GET3: variants seen among roughly 807,000 people sequenced by gnomAD.
GET3 encodes the protein ATPase GET3.
A neutral mutation model predicts 32.4 loss-of-function variants in GET3; 15 were observed. That is an observed-to-expected ratio of 0.46 (90% CI 0.31 to 0.71). GET3 has a LOEUF of 0.71. Among genes scored for constraint, GET3 ranks in the 30% least tolerant of loss-of-function variants. The pLI is 0.05. For synonymous variants in GET3, 198 were observed against 185.6 expected (o/e 1.07, Z -0.54); for missense variants, 333 against 459.0 (o/e 0.73, Z 2.51).
At chr19:12,739,185 A>G (rs1309531095) in intron 2 of GET3, among the ~76,000 whole-genome samples, 1 of 145,360 alleles carries the variant, frequency 6.9e-6, no homozygotes, top group Non-Finnish European at 1.5e-5. Flanking sequence ...TTTTTTTTTT[A>G]GACACTCAAG....
At chr19:12,744,119 G>C (rs1024977852) in intron 2 of GET3, among the ~76,000 whole-genome samples, 2 of 149,710 alleles carry the variant, frequency 1.3e-5, no homozygotes, top group Admixed American at 6.6e-5. Context: ...GGGAGGCTGA[G>C]GCAGGAGAAT....
chr19:12,742,666 G>C (rs1432147751), intron 2 of GET3, among the ~76,000 whole-genome samples: 1 of 151,766 alleles, frequency 6.6e-6, no homozygotes, highest in African/African-American at 2.4e-5. Context: ...CACCCGCCTT[G>C]GCCTCCCAAA....
upstream of GET3, chr19:12,737,451 C>T: frequency 7.1e-7 from 1 of 1,415,514 alleles, no homozygotes. Context: ...AGAGAATTTC[C>T]CCTGTAGGTT....
intron 2 of GET3, among the ~76,000 whole-genome samples, chr19:12,742,963 G>C (rs964710464): frequency 6.6e-6 from 1 of 152,172 alleles, no homozygotes; most frequent in African/African-American, 2.4e-5. Context: ...GGCTGGGCTG[G>C]ATAAGGGTGC....
chr19:12,745,574 C>T lies in GET3; in HGVS notation c.459-35C>T, dbSNP rs149493602. 291 of 1,612,102 alleles carry T rather than the reference C, an allele frequency of 1.8e-4. No homozygotes were observed. The Middle Eastern group carries it at 2.1e-3, about 12-fold the overall frequency. On this transcript the variant is annotated intron_variant, in intron 3 of 6. Coordinates refer to ENST00000357332, the MANE Select transcript of GET3 (RefSeq NM_004317.4). This position sits in a 1 kb window ranked among gnomAD's most constrained non-coding sequence, Gnocchi z 5.0. Reference sequence around the variant, plus strand: ...GGGGCTGCCTGGGGAAGGGGAAGAGCGGACACAGAGGGCCTGACCCCTGTC... The same window carrying T: ...GGGGCTGCCTGGGGAAGGGGAAGAGTGGACACAGAGGGCCTGACCCCTGTC...
In GET3 at chr19:12,745,822, C is replaced by A; in HGVS notation, c.609+63C>A. The A allele has an allele frequency of 3.3e-6, 5 of 1,532,218 alleles. No individual in the cohort carries two copies. The highest frequency in any genetic ancestry group is 1.2e-5 in the South Asian group (1 of 81,226). The allele number at this position is 1,532,218 out of a possible 1,614,324, so 94.9% of individuals were successfully genotyped here. On this transcript the variant is annotated intron_variant, in intron 4 of 6. Coordinates refer to ENST00000357332, the MANE Select transcript of GET3 (RefSeq NM_004317.4). This position sits in a 1 kb window ranked among gnomAD's most constrained non-coding sequence, Gnocchi z 5.0. Reference sequence around the variant, plus strand: ...GCCGGGAGTGGGAGTAGGCCCGGGCCCCCAGACCCTCAAATGCGCACTAAC... The same window carrying A: ...GCCGGGAGTGGGAGTAGGCCCGGGCACCCAGACCCTCAAATGCGCACTAAC...
At chr19:12,742,775 G>A (rs1482612297) in intron 2 of GET3, among the ~76,000 whole-genome samples, 2 of 151,982 alleles carry the variant, frequency 1.3e-5, no homozygotes, top group Non-Finnish European at 2.9e-5. Flanking sequence ...TCAATCTCCT[G>A]ACCTCAAATG....
intron 2 of GET3, among the ~76,000 whole-genome samples, chr19:12,744,413 G>A (rs1967732332): frequency 6.6e-6 from 1 of 151,752 alleles, no homozygotes; most frequent in African/African-American, 2.4e-5. Context: ...TCTGCCTCCC[G>A]GGTTCAAGCG....
chr19:12,742,441 G>A (rs968120838), intron 2 of GET3, among the ~76,000 whole-genome samples: 6 of 151,548 alleles, frequency 4.0e-5, no homozygotes, highest in African/African-American at 1.5e-4. Context: ...TTGAGACGGA[G>A]TCTTATTCTG....
chr19:12,738,791 C>A, intron 2 of GET3, 133 bp downstream of exon 2: 1 of 1,221,216 alleles, frequency 8.2e-7, no homozygotes, highest in Non-Finnish European at 1.1e-6. Flanking sequence ...CCTTCCTCAA[C>A]ATACTCACAA....
chr19:12,746,470 C>T lies in GET3; in HGVS notation c.609+711C>T, dbSNP rs368083317. Among the ~76,000 whole-genome samples the T allele has an allele frequency of 4.4e-4, 67 of 152,306 alleles. No homozygotes were observed. In the Middle Eastern group the frequency reaches 0.014, roughly 31 times the overall value. ...TATTACGATGACAACCCTAAAGCCC[C>T]CACAGTGCTGCACACCACCAGCACC... On this transcript the variant is annotated intron_variant, in intron 4 of 6. Transcript: ENST00000357332.
Position 12,738,499 on chromosome 19 carries a change from T to A in GET3, c.162-12T>A. 1 of 1,613,846 alleles carries A rather than the reference T, an allele frequency of 6.2e-7. No homozygotes were observed. Among genetic ancestry groups the A allele is most frequent in the South Asian group, 1.1e-5 (1 of 91,068 alleles). ...CCCTCATCCCCTATCTTTTGACTTT[T>A]CCATTACTCAGCTGCAGCCTGGCAG... On this transcript the variant is annotated splice_polypyrimidine_tract_variant and intron_variant, in intron 1 of 6. Coordinates refer to ENST00000357332, the MANE Select transcript of GET3 (RefSeq NM_004317.4).
chr19:12,738,249 GC>G (rs1345263560), intron 1 of GET3, among the ~76,000 whole-genome samples: 1 of 152,112 alleles, frequency 6.6e-6, no homozygotes, highest in Non-Finnish European at 1.5e-5. Context: ...ACTGTGCCCA[GC>G]AAAAAAGAAG....
intron 1 of GET3, 76 bp from the exon 2 acceptor site, chr19:12,738,435 C>T: frequency 6.3e-7 from 1 of 1,577,340 alleles, no homozygotes; most frequent in Non-Finnish European, 8.6e-7. Flanking sequence ...TCCAGGGAAC[C>T]TACCACTCCC....
At chr19:12,738,045 G>A (rs1032396498) in intron 1 of GET3, among the ~76,000 whole-genome samples, 1 of 152,140 alleles carries the variant, frequency 6.6e-6, no homozygotes, top group African/African-American at 2.4e-5. Flanking sequence ...GAGAGTGAGG[G>A]TGGAAAGCGA....
chr19:12,744,855 C>T (rs1967739872), intron 2 of GET3, among the ~76,000 whole-genome samples: 2 of 152,054 alleles, frequency 1.3e-5, no homozygotes, highest in South Asian at 2.1e-4. Context: ...TGGGCTCAAG[C>T]GATCCTCCCA....
upstream of GET3, chr19:12,737,386 A>G (rs1176361346): frequency 8.0e-7 from 1 of 1,256,596 alleles, no homozygotes; most frequent in African/African-American, 1.5e-5. Flanking sequence ...ATTTCTCCTA[A>G]AAGGCAAGTA....
upstream of GET3, chr19:12,737,209 CAT>C (rs1354402343): frequency 3.6e-6 from 1 of 277,326 alleles, no homozygotes; most frequent in Non-Finnish European, 6.7e-6. Context: ...TAAGAAAAGA[CAT>C]AGCCAATGAA....
At chr19:12,742,165 T>C (rs1192764438) in intron 2 of GET3, among the ~76,000 whole-genome samples, 1 of 151,838 alleles carries the variant, frequency 6.6e-6, no homozygotes, top group Non-Finnish European at 1.5e-5. Context: ...AGTTGGTAGG[T>C]TGAGGCAGGA....
Sources: gnomAD v4.1 joint callset for allele counts (sites outside exome capture counted in the v4.1 genomes callset) on GRCh38, gnomAD v4.1.1 for gene constraint, Gnocchi (gnomAD v3.1) non-coding constraint, MANE v1.5 for transcripts, NCBI Gene and HGNC (gene_info 2026-07-23, HGNC 2026-07-21) for gene names.